The following IGSF21 variants were observed in gnomAD, a reference collection of about 807,000 sequenced individuals.
IGSF21 encodes immunoglobulin superfamily member 21.
In IGSF21, 28 loss-of-function variants were observed where a neutral mutation model predicts 46.8. The ratio of observed to expected loss-of-function variants is 0.60; its 90% CI spans 0.44 to 0.82. IGSF21 has a LOEUF of 0.82. IGSF21 is among the 40% of genes least tolerant of loss of function. IGSF21 has a pLI of 0.00. For missense variants in IGSF21, 624 were observed against 665.5 expected (o/e 0.94, Z 0.69); for synonymous variants, 284 against 273.6 (o/e 1.04, Z -0.38).
chr1:18,289,864 G>A (rs1179357353), intron 2 of IGSF21, among the ~76,000 whole-genome samples: 1 of 152,218 alleles, frequency 6.6e-6, no homozygotes, highest in East Asian at 1.9e-4. Flanking sequence ...CTGCTTTAAA[G>A]GTACTTTGGT....
chr1:18,129,402 G>A (rs2086299512), intron 1 of IGSF21, among the ~76,000 whole-genome samples: 1 of 152,178 alleles, frequency 6.6e-6, no homozygotes, highest in Non-Finnish European at 1.5e-5. Flanking sequence ...TGTCTGTCAT[G>A]GATGCAGTTC....
At chr1:18,108,984 C>CTGTGTGTG (rs1375887978) in intron 1 of IGSF21, among the ~76,000 whole-genome samples, 1 of 13,308 alleles carries the variant, frequency 7.5e-5, no homozygotes, top group African/African-American at 2.7e-4. Flanking sequence ...GTGAGCAGCT[C>CTGTGTGTG]AGTGTGTGTG....
intron 3 of IGSF21, among the ~76,000 whole-genome samples, chr1:18,328,207 C>T (rs1177383935): frequency 1.3e-5 from 2 of 152,136 alleles, no homozygotes; most frequent in African/African-American, 4.8e-5. Context: ...TATCTTAGGT[C>T]GAAAATGCAC....
chr1:18,294,175 C>A (rs546842128), intron 3 of IGSF21, among the ~76,000 whole-genome samples: 27 of 152,270 alleles, frequency 1.8e-4, no homozygotes, highest in African/African-American at 6.0e-4. Flanking sequence ...GGCTGGTAAC[C>A]CCACAGTTGA....
chr1:18,372,804 G>A (rs1362757955), intron 6 of IGSF21, among the ~76,000 whole-genome samples: 1 of 150,690 alleles, frequency 6.6e-6, no homozygotes, highest in African/African-American at 2.4e-5. Flanking sequence ...ATAGATGGAT[G>A]TTTGGAAGGA....
At chr1:18,198,823 A>T (rs1211333635) in intron 1 of IGSF21, among the ~76,000 whole-genome samples, 1 of 152,022 alleles carries the variant, frequency 6.6e-6, no homozygotes, top group Non-Finnish European at 1.5e-5. Context: ...TGTTTTGAGG[A>T]TCTAATAAGG....
intron 1 of IGSF21, among the ~76,000 whole-genome samples, chr1:18,213,835 G>A (rs1016415184): frequency 7.2e-5 from 11 of 152,152 alleles, no homozygotes; most frequent in African/African-American, 2.7e-4. Flanking sequence ...CCTCTCATCA[G>A]CCCAGGATCT....
chr1:18,237,606 T>A (rs2084685436), intron 2 of IGSF21, among the ~76,000 whole-genome samples: 1 of 152,224 alleles, frequency 6.6e-6, no homozygotes, highest in Admixed American at 6.5e-5. Context: ...TGTGAAGCCT[T>A]CTGACCCCTC....
chr1:18,309,051 G>C (rs1245136916), intron 3 of IGSF21, among the ~76,000 whole-genome samples: 1 of 151,994 alleles, frequency 6.6e-6, no homozygotes, highest in Non-Finnish European at 1.5e-5. Context: ...CACCAGCTGG[G>C]TGAGAGCCCC....
chr1:18,349,894 T>TA (rs55887200), intron 4 of IGSF21, among the ~76,000 whole-genome samples: 59,590 of 148,314 alleles, frequency 0.4, 12,095 homozygotes, highest in South Asian at 0.52. Context: ...CCCCATCTCT[T>TA]AAAAAAAAAA....
At chr1:18,319,428 C>T (rs1428185654) in intron 3 of IGSF21, among the ~76,000 whole-genome samples, 1 of 152,164 alleles carries the variant, frequency 6.6e-6, no homozygotes, top group Non-Finnish European at 1.5e-5. Context: ...ACCATGTGTC[C>T]AGGAAACTAT....
chr1:18,133,329 G>A (rs1032889277), intron 1 of IGSF21, among the ~76,000 whole-genome samples: 9 of 152,164 alleles, frequency 5.9e-5, no homozygotes, highest in Non-Finnish European at 1.0e-4. Flanking sequence ...CCCATGTCAC[G>A]GCTTCCCTGA....
At chr1:18,255,990 C>A (rs1163523851) in intron 2 of IGSF21, among the ~76,000 whole-genome samples, 1 of 152,190 alleles carries the variant, frequency 6.6e-6, no homozygotes, top group African/African-American at 2.4e-5. Flanking sequence ...TTGCCATTGG[C>A]CTCAGGATGG....
chr1:18,172,438 G>T lies in IGSF21; in HGVS notation c.71-55460G>T, dbSNP rs547784955. On this transcript the variant is annotated intron_variant, in intron 1 of 9. Transcript: ENST00000251296. ...CTGTGTGGCTTAAACAACAGAATTT[G>T]ATTTCCTCACAGTTCTGGAGGCTGG... 8.1e-4 allele frequency among the ~76,000 whole-genome samples: 123 copies of T among 152,268 alleles called. 1 individual carries two copies. Among genetic ancestry groups the T allele is most frequent in the African/African-American group, 2.8e-3 (118 of 41,558 alleles).
chr1:18,229,611 C>T (rs1395489235), intron 2 of IGSF21, among the ~76,000 whole-genome samples: 1 of 152,226 alleles, frequency 6.6e-6, no homozygotes, highest in South Asian at 2.1e-4. Flanking sequence ...CCAAGCTCTT[C>T]AGGTAGCCTG....
intron 1 of IGSF21, among the ~76,000 whole-genome samples, chr1:18,182,835 G>A (rs758961136): frequency 7.2e-5 from 11 of 152,172 alleles, no homozygotes; most frequent in Non-Finnish European, 1.6e-4. Flanking sequence ...TCCACCTGGT[G>A]AAATTGCCTG....
At chr1:18,181,341 G>A (rs2086856473) in intron 1 of IGSF21, among the ~76,000 whole-genome samples, 1 of 152,222 alleles carries the variant, frequency 6.6e-6, no homozygotes, top group African/African-American at 2.4e-5. Flanking sequence ...CGACATTGAT[G>A]TGACAGGGTG....
rs1248096357 is a variant in IGSF21 at position 18,365,023 on chromosome 1, G to A, written c.541-200G>A. 6.6e-6 allele frequency among the ~76,000 whole-genome samples: 1 copy of A among 152,138 alleles called. No homozygotes were observed. The highest frequency in any genetic ancestry group is 2.4e-5 in the African/African-American group (1 of 41,426). On this transcript the variant is annotated intron_variant, in intron 5 of 9. Transcript: ENST00000251296. This position sits in a 1 kb window ranked among gnomAD's most constrained non-coding sequence, Gnocchi z 4.8. Reference sequence around the variant, plus strand: ...ATTGGGCTAAGCCTCTGCCCCAAGGGCCTGCATGTGTTCCCATTGTACCAC... The same window carrying A: ...ATTGGGCTAAGCCTCTGCCCCAAGGACCTGCATGTGTTCCCATTGTACCAC...
At chr1:18,240,285 A>T (rs556002752) in intron 2 of IGSF21, among the ~76,000 whole-genome samples, 9 of 152,338 alleles carry the variant, frequency 5.9e-5, no homozygotes, top group Admixed American at 4.6e-4. Context: ...TGTCTCAAAA[A>T]CAAAAACAAA....
Sources: gnomAD v4.1 joint callset for allele counts (sites outside exome capture counted in the v4.1 genomes callset) on GRCh38, gnomAD v4.1.1 for gene constraint, Gnocchi (gnomAD v3.1) non-coding constraint, MANE v1.5 for transcripts, NCBI Gene and HGNC (gene_info 2026-07-23, HGNC 2026-07-21) for gene names.